Variants in PRKAG2 observed in about 807,000 individuals in gnomAD.
PRKAG2 encodes the protein protein kinase AMP-activated non-catalytic subunit gamma 2.
A neutral mutation model predicts 69.6 loss-of-function variants in PRKAG2; 26 were observed. The observed-to-expected ratio is 0.37, with a 90% CI of 0.27 to 0.52. PRKAG2 has a LOEUF of 0.52. Ranked by LOEUF, PRKAG2 falls within the 20% of genes least tolerant of loss-of-function variation. PRKAG2 has a pLI of 0.90. For synonymous variants in PRKAG2, 293 were observed against 285.0 expected, an observed-to-expected ratio of 1.03 and a Z score of -0.28; for missense variants, 557 against 740.0, an observed-to-expected ratio of 0.75 and a Z score of 2.87.
chr7:151,690,341 A>G (rs1249591754), intron 3 of PRKAG2, among the ~76,000 whole-genome samples: 2 of 152,166 alleles, frequency 1.3e-5, no homozygotes, highest in African/African-American at 2.4e-5. Context: ...CTCTGTTTGC[A>G]TGATCTGAGG....
intron 3 of PRKAG2, among the ~76,000 whole-genome samples, chr7:151,697,923 TC>T (rs1836969862): frequency 6.6e-6 from 1 of 152,124 alleles, no homozygotes; most frequent in South Asian, 2.1e-4. Flanking sequence ...TCTTGTGTGG[TC>T]CCCACAGCCA....
chr7:151,720,409 T>A (rs941055903), intron 3 of PRKAG2, among the ~76,000 whole-genome samples: 6 of 151,782 alleles, frequency 4.0e-5, no homozygotes, highest in Non-Finnish European at 7.4e-5. Context: ...GGCTGCTAGC[T>A]CAGGAGGTCG....
intron 3 of PRKAG2, among the ~76,000 whole-genome samples, chr7:151,744,459 G>A (rs566231276): frequency 7.2e-5 from 11 of 152,324 alleles, no homozygotes; most frequent in South Asian, 2.1e-4. Context: ...AGCCGAGGGC[G>A]TCATCAGGCC....
chr7:151,824,826 G>A (rs1320652277), intron 1 of PRKAG2, among the ~76,000 whole-genome samples: 2 of 152,176 alleles, frequency 1.3e-5, no homozygotes, highest in African/African-American at 2.4e-5. Flanking sequence ...GAACTCAGCC[G>A]ACACTCGTGC....
chr7:151,675,417 T>C lies in PRKAG2; in HGVS notation c.684+3A>G, dbSNP rs1363934919. 1 of 1,613,686 alleles carries C rather than the reference T, an allele frequency of 6.2e-7. No individual in the cohort carries two copies. The highest frequency in any genetic ancestry group is 1.1e-5 in the South Asian group (1 of 91,052). Reference sequence around the variant, plus strand: ...CCCCACCCACAGAAGGGCCCAGACTTACGGCTTTGGAGGGAGCATAGTGTG... The same window carrying C: ...CCCCACCCACAGAAGGGCCCAGACTCACGGCTTTGGAGGGAGCATAGTGTG... On this transcript the variant is annotated splice_donor_region_variant and intron_variant, in intron 4 of 15. Transcript: ENST00000287878.
intron 5 of PRKAG2, among the ~76,000 whole-genome samples, chr7:151,617,751 A>G (rs1820524843): frequency 6.6e-6 from 1 of 152,160 alleles, no homozygotes; most frequent in African/African-American, 2.4e-5. Flanking sequence ...CAAAATTTAC[A>G]CTGTCCCAAA....
chr7:151,579,573 G>A (rs1314300827), intron 6 of PRKAG2, among the ~76,000 whole-genome samples: 1 of 152,134 alleles, frequency 6.6e-6, no homozygotes, highest in Non-Finnish European at 1.5e-5. Context: ...GGTGGATTCT[G>A]GGAGCTACAA....
At chr7:151,790,062 C>T (rs1022251780) in intron 1 of PRKAG2, among the ~76,000 whole-genome samples, 3 of 152,128 alleles carry the variant, frequency 2.0e-5, no homozygotes, top group Non-Finnish European at 4.4e-5. Context: ...GGCTACCATC[C>T]ACCCCTCCTG....
chr7:151,870,153 A>AGG (rs1563769197), intron 1 of PRKAG2, among the ~76,000 whole-genome samples: 43 of 115,486 alleles, frequency 3.7e-4, no homozygotes, highest in African/African-American at 1.1e-3. Flanking sequence ...AGATAGATAG[A>AGG]TAGGCAGGCA....
intron 4 of PRKAG2, among the ~76,000 whole-genome samples, chr7:151,660,174 T>A (rs928968288): frequency 6.6e-6 from 1 of 152,218 alleles, no homozygotes; most frequent in African/African-American, 2.4e-5. Context: ...TAGACTGGTA[T>A]TCAGAGATTC....
chr7:151,849,142 G>A (rs1440388116), intron 1 of PRKAG2, among the ~76,000 whole-genome samples: 2 of 152,224 alleles, frequency 1.3e-5, no homozygotes, highest in African/African-American at 2.4e-5. Context: ...AATTCTAACC[G>A]TGTTGGGGAA....
At chr7:151,860,787 C>G (rs2079900109) in intron 1 of PRKAG2, among the ~76,000 whole-genome samples, 1 of 152,160 alleles carries the variant, frequency 6.6e-6, no homozygotes, top group South Asian at 2.1e-4. Context: ...TCCTAGAGGG[C>G]ACTGTTCTCG....
chr7:151,563,933 T>C (rs540956616), intron 14 of PRKAG2, 145 bp downstream of exon 14: 2 of 1,075,008 alleles, frequency 1.9e-6, no homozygotes, highest in East Asian at 4.8e-5. Flanking sequence ...TGCCAGGTTC[T>C]GGGACAGGAG....
At chr7:151,663,097 A>C (rs1309472575) in intron 4 of PRKAG2, among the ~76,000 whole-genome samples, 1 of 152,134 alleles carries the variant, frequency 6.6e-6, no homozygotes, top group African/African-American at 2.4e-5. Context: ...AAACAAAAAA[A>C]CGACACAAAT....
chr7:151,730,724 T>C (rs1798793998), intron 3 of PRKAG2, among the ~76,000 whole-genome samples: 1 of 152,138 alleles, frequency 6.6e-6, no homozygotes, highest in South Asian at 2.1e-4. Context: ...CCTATCCCTC[T>C]GCTGAAGTGA....
intron 1 of PRKAG2, among the ~76,000 whole-genome samples, chr7:151,842,924 C>T (rs1177161828): frequency 6.6e-6 from 1 of 151,956 alleles, no homozygotes; most frequent in Non-Finnish European, 1.5e-5. Context: ...TGCAGGATTC[C>T]CTTCAAGGTC....
chr7:151,561,039 G>A (rs17173189), intron 14 of PRKAG2, among the ~76,000 whole-genome samples: 16,285 of 152,152 alleles, frequency 0.11, 1,107 homozygotes, highest in East Asian at 0.27. Flanking sequence ...CTGATTACCT[G>A]GAAGACCTAC....
chr7:151,608,319 T>C (rs1379205231), intron 5 of PRKAG2, among the ~76,000 whole-genome samples: 1 of 152,190 alleles, frequency 6.6e-6, no homozygotes, highest in Non-Finnish European at 1.5e-5. Flanking sequence ...TAATAGGCCT[T>C]CAAAGTTCAG....
At chr7:151,868,530 T>C (rs185669489) in intron 1 of PRKAG2, among the ~76,000 whole-genome samples, 373 of 152,346 alleles carry the variant, frequency 2.4e-3, no homozygotes, top group Non-Finnish European at 3.2e-3. Flanking sequence ...CAGCTGCCCA[T>C]CGGCCTTTGT....
Sources: allele counts gnomAD v4.1 joint callset (sites outside exome capture counted in the v4.1 genomes callset), GRCh38; gene constraint gnomAD v4.1.1; transcripts MANE v1.5; gene names NCBI Gene and HGNC (gene_info 2026-07-23, HGNC 2026-07-21).